Variants in COMMD6 observed in about 807,000 individuals in gnomAD.
The protein encoded by COMMD6 is COMM domain-containing protein 6.
Under a neutral mutation model 13.4 loss-of-function variants are expected in COMMD6, and 11 were observed. That is an observed-to-expected ratio of 0.82 (90% confidence interval 0.52 to 1.36). COMMD6 has a LOEUF of 1.36. COMMD6 is among the 40% of genes most tolerant of loss of function. The pLI, the probability that COMMD6 is intolerant of heterozygous loss-of-function variation, is 0.00. For synonymous variants in COMMD6, 43 were observed against 36.5 expected (o/e 1.18, Z -0.64); for missense variants, 124 against 102.4 (o/e 1.21, Z -0.91).
At chr13:75,528,540 G>A (rs1483679112) in intron 3 of COMMD6, among the ~76,000 whole-genome samples, 1 of 152,142 alleles carries the variant, frequency 6.6e-6, no homozygotes, top group Non-Finnish European at 1.5e-5. Flanking sequence ...GAGCATGGTG[G>A]CTCACGCCTG....
chr13:75,534,461 A>G (rs1240617338), intron 2 of COMMD6, among the ~76,000 whole-genome samples: 3 of 152,362 alleles, frequency 2.0e-5, no homozygotes, highest in African/African-American at 7.2e-5. Context: ...ATGCAAACTG[A>G]AAGCAAACCT....
At chr13:75,546,193 G>A (rs1395271499) in intron 1 of COMMD6, among the ~76,000 whole-genome samples, 1 of 152,162 alleles carries the variant, frequency 6.6e-6, no homozygotes, top group East Asian at 1.9e-4. Flanking sequence ...AGGCTATGCT[G>A]TAATTTGGCA....
chr13:75,536,104 C>G (rs2030654438), intron 2 of COMMD6, among the ~76,000 whole-genome samples: 1 of 152,126 alleles, frequency 6.6e-6, no homozygotes, highest in Non-Finnish European at 1.5e-5. Context: ...CCATGCTGGT[C>G]TCAAACTGCT....
chr13:75,548,251 A>G (rs370281847), intron 1 of COMMD6, among the ~76,000 whole-genome samples: 7 of 152,250 alleles, frequency 4.6e-5, no homozygotes, highest in Non-Finnish European at 8.8e-5. Context: ...CGAGCTGGAC[A>G]CTGCCAGTTT....
chr13:75,545,558 C>T (rs1281635380), intron 1 of COMMD6, among the ~76,000 whole-genome samples: 3 of 151,834 alleles, frequency 2.0e-5, no homozygotes, highest in Admixed American at 6.6e-5. Flanking sequence ...CTGCGAGCTC[C>T]GCCTCCTCGG....
At chr13:75,538,854 G>T (rs1446231754), upstream of COMMD6, 1 of 151,450 alleles carries the variant, frequency 6.6e-6, no homozygotes, top group Non-Finnish European at 1.5e-5. Context: ...CGGTCAGCAG[G>T]ACTGTGTTCC....
At chr13:75,531,032 G>C (rs1024613006) in intron 2 of COMMD6, among the ~76,000 whole-genome samples, 4 of 152,208 alleles carry the variant, frequency 2.6e-5, no homozygotes, top group Non-Finnish European at 2.9e-5. Flanking sequence ...AATACTGTCT[G>C]TCTTGTTTCC....
chr13:75,531,939 T>C (rs898114085), intron 2 of COMMD6, among the ~76,000 whole-genome samples: 6 of 152,156 alleles, frequency 3.9e-5, no homozygotes, highest in Admixed American at 2.6e-4. Context: ...AGCCCTAAAC[T>C]GAAAACCCAA....
chr13:75,539,798 AAAAC>A (rs972752688), upstream of COMMD6, among the ~76,000 whole-genome samples: 1 of 151,998 alleles, frequency 6.6e-6, no homozygotes, highest in African/African-American at 2.4e-5. Context: ...AACAAACAAA[AAAAC>A]CCCCCACTGA....
In COMMD6 at chr13:75,526,656, A is replaced by G. The variant is rs746329250; in HGVS notation, c.208-17T>C. On this transcript the variant is annotated splice_polypyrimidine_tract_variant and intron_variant, in intron 3 of 3. Transcript: ENST00000682242. ...GTAGAAATTCTGGAGAGAAAGGGGG[A>G]AAATAATATTAATTTTGCTTTTAGA... 3 of 1,568,120 alleles carry G rather than the reference A, an allele frequency of 1.9e-6. No homozygotes were observed. The highest frequency in any genetic ancestry group is 2.6e-6 in the Non-Finnish European group (3 of 1,144,154).
chr13:75,539,560 A>G (rs2030790869), upstream of COMMD6, among the ~76,000 whole-genome samples: 1 of 152,112 alleles, frequency 6.6e-6, no homozygotes, highest in Non-Finnish European at 1.5e-5. Context: ...TTCTATCTTA[A>G]GGTACATAAA....
upstream of COMMD6, among the ~76,000 whole-genome samples, chr13:75,542,290 C>CTTTT (rs59815923): frequency 7.2e-6 from 1 of 138,114 alleles, no homozygotes; most frequent in Non-Finnish European, 1.5e-5. Context: ...TCTTTCTTTC[C>CTTTT]TTTTTTTTTT....
rs181128882 is a variant in COMMD6, at chr13:75,527,153, T to A, written c.208-514A>T. On this transcript the variant is annotated intron_variant, in intron 3 of 3. Coordinates refer to ENST00000682242, the MANE Select transcript of COMMD6 (RefSeq NM_203495.4). ...TAACGGTTCTCCTATAGAAGTCATC[T>A]TCTTTTAAATCTCAGGTAAGAAAGG... is the stretch of plus-strand genomic sequence containing the variant. 1.9e-3 allele frequency among the ~76,000 whole-genome samples: 286 copies of A among 152,366 alleles called. 2 individuals are homozygous for A. The highest frequency in any genetic ancestry group is 3.2e-3 in the Non-Finnish European group (220 of 68,034).
At chr13:75,539,338 A>C (rs890838703), upstream of COMMD6, among the ~76,000 whole-genome samples, 2 of 152,052 alleles carry the variant, frequency 1.3e-5, no homozygotes, top group African/African-American at 2.4e-5. Flanking sequence ...TCCCAGGTTC[A>C]AACAATTCTC....
intron 2 of COMMD6, 101 bp downstream of exon 2, chr13:75,537,563 C>A: frequency 6.4e-7 from 1 of 1,567,370 alleles, no homozygotes; most frequent in Non-Finnish European, 8.6e-7. Flanking sequence ...GGCTCGCGGA[C>A]ACAGGACTAG....
At chr13:75,541,432 T>G (rs1208949232), upstream of COMMD6, among the ~76,000 whole-genome samples, 1 of 151,930 alleles carries the variant, frequency 6.6e-6, no homozygotes, top group African/African-American at 2.4e-5. Context: ...GAGTAGTGTG[T>G]ATATATAGAC....
intron 2 of COMMD6, among the ~76,000 whole-genome samples, chr13:75,533,378 G>C (rs1048872129): frequency 1.3e-5 from 2 of 152,062 alleles, no homozygotes; most frequent in Non-Finnish European, 2.9e-5. Context: ...ACCAGCCTGG[G>C]CAACAGCCCT....
chr13:75,546,959 A>G (rs2030914134), intron 1 of COMMD6, among the ~76,000 whole-genome samples: 1 of 152,002 alleles, frequency 6.6e-6, no homozygotes, highest in Non-Finnish European at 1.5e-5. Context: ...TTAGCTAATC[A>G]ATACATAACC....
chr13:75,541,043 A>T (rs1350796014), upstream of COMMD6, among the ~76,000 whole-genome samples: 1 of 152,198 alleles, frequency 6.6e-6, no homozygotes. Flanking sequence ...CAAAATCTGC[A>T]TATACTCAAG....
Sources: allele counts gnomAD v4.1 joint callset (sites outside exome capture counted in the v4.1 genomes callset), GRCh38; gene constraint gnomAD v4.1.1; transcripts MANE v1.5; gene names NCBI Gene and HGNC (gene_info 2026-07-23, HGNC 2026-07-21).